The following RFC3 variants were observed in gnomAD, a reference collection of about 807,000 sequenced individuals.
The protein encoded by RFC3 is A1 38 kDa subunit.
A neutral mutation model predicts 45.1 loss-of-function variants in RFC3; 41 were observed. That is an observed-to-expected ratio of 0.91 (90% CI 0.71 to 1.18). The LOEUF (loss-of-function observed/expected upper bound fraction) is 1.18. Among genes scored for constraint, RFC3 ranks in the 50% most tolerant of loss-of-function variants. The pLI is 0.00. For missense variants in RFC3, 423 were observed against 428.1 expected (o/e 0.99, Z 0.10); for synonymous variants, 149 against 144.0 (o/e 1.03, Z -0.25).
At chr13:33,962,851 T>C (rs1312951512) in intron 8 of RFC3, among the ~76,000 whole-genome samples, 1 of 152,120 alleles carries the variant, frequency 6.6e-6, no homozygotes, top group African/African-American at 2.4e-5. Flanking sequence ...TACTGTTTTT[T>C]AGTTGAGATT....
chr13:33,915,009 C>G (rs1457395583), intron 8 of RFC3, among the ~76,000 whole-genome samples: 1 of 152,116 alleles, frequency 6.6e-6, no homozygotes, highest in African/African-American at 2.4e-5. Flanking sequence ...AAGAATTGTT[C>G]TGTATGTAGT....
At chr13:33,872,900 T>G (rs1173816119) in intron 8 of RFC3, among the ~76,000 whole-genome samples, 1 of 146,224 alleles carries the variant, frequency 6.8e-6, no homozygotes, top group African/African-American at 2.5e-5. Flanking sequence ...GAAAAATAAA[T>G]GAAGAATGTT....
intron 8 of RFC3, among the ~76,000 whole-genome samples, chr13:33,965,524 T>A (rs1302705365): frequency 6.6e-6 from 1 of 152,186 alleles, no homozygotes; most frequent in African/African-American, 2.4e-5. Flanking sequence ...CCCCTTACAG[T>A]GCATTTTTCA....
At chr13:33,872,446 A>G (rs1461654414) in intron 8 of RFC3, among the ~76,000 whole-genome samples, 1 of 152,188 alleles carries the variant, frequency 6.6e-6, no homozygotes, top group Non-Finnish European at 1.5e-5. Context: ...TTTATTAAAA[A>G]TAAACGGCCA....
intron 8 of RFC3, among the ~76,000 whole-genome samples, chr13:33,921,682 C>A (rs1406746379): frequency 6.6e-6 from 1 of 152,066 alleles, no homozygotes; most frequent in Non-Finnish European, 1.5e-5. Context: ...ACACAGCACC[C>A]TCCCAGTGCA....
chr13:33,899,204 CAAAAAAAAAAA>C (rs59221382), intron 8 of RFC3, among the ~76,000 whole-genome samples: 3 of 51,968 alleles, frequency 5.8e-5, no homozygotes, highest in Non-Finnish European at 7.2e-5. Context: ...CACAATAAGA[CAAAAAAAAAAA>C]AAAAAAAAAA....
chr13:33,832,057 T>C (rs3135611), intron 7 of RFC3, among the ~76,000 whole-genome samples: 33,385 of 152,144 alleles, frequency 0.22, 5,700 homozygotes, highest in African/African-American at 0.45. Context: ...GTCTATTATT[T>C]GTAGGTTGAC....
At chr13:33,858,702 A>AT (rs113651076) in intron 8 of RFC3, among the ~76,000 whole-genome samples, 1 of 152,108 alleles carries the variant, frequency 6.6e-6, no homozygotes, top group African/African-American at 2.4e-5. Flanking sequence ...GCACTGATTA[A>AT]TTTTTTTTAT....
At chr13:33,829,690 T>A (rs2082083152) in intron 4 of RFC3, 146 bp from the exon 5 acceptor site, 3 of 675,908 alleles carry the variant, frequency 4.4e-6, no homozygotes, top group Non-Finnish European at 7.9e-6. Flanking sequence ...TTTACCATAC[T>A]TATAACTTTA....
At chr13:33,840,213 A>C (rs2082187727), downstream of RFC3, among the ~76,000 whole-genome samples, 1 of 152,134 alleles carries the variant, frequency 6.6e-6, no homozygotes, top group Non-Finnish European at 1.5e-5. Context: ...CCTTCCTCTA[A>C]GACTAATTAC....
intron 8 of RFC3, among the ~76,000 whole-genome samples, chr13:33,898,203 A>G (rs2082614030): frequency 6.6e-6 from 1 of 152,062 alleles, no homozygotes; most frequent in Non-Finnish European, 1.5e-5. Context: ...GCTGCAGAAT[A>G]CACATCTTAT....
At chr13:33,829,212 G>C (rs1019807313) in intron 4 of RFC3, among the ~76,000 whole-genome samples, 3 of 152,122 alleles carry the variant, frequency 2.0e-5, no homozygotes, top group African/African-American at 7.2e-5. Flanking sequence ...CTATGTTAAG[G>C]CTGATCTGTG....
chr13:33,829,629 TCTGAAGAGAAA>T, intron 4 of RFC3, 196 bp from the exon 5 acceptor site: 1 of 577,662 alleles, frequency 1.7e-6, no homozygotes, highest in Admixed American at 3.1e-5. Context: ...ATTTATATGA[TCTGAAGAGAAA>T]CTGGAGTATG....
At chr13:33,863,442 A>G (rs1046898870) in intron 8 of RFC3, among the ~76,000 whole-genome samples, 5 of 152,324 alleles carry the variant, frequency 3.3e-5, no homozygotes, top group African/African-American at 1.2e-4. Context: ...AGAAGGCAAC[A>G]TGGCTTTGCA....
downstream of RFC3, among the ~76,000 whole-genome samples, chr13:33,841,654 A>G (rs1230623948): frequency 2.0e-5 from 3 of 152,216 alleles, no homozygotes; most frequent in African/African-American, 7.2e-5. Context: ...GTCAAAAGTT[A>G]TACAGGGGTT....
At chr13:33,862,715 A>G (rs1348888684) in intron 8 of RFC3, among the ~76,000 whole-genome samples, 1 of 152,194 alleles carries the variant, frequency 6.6e-6, no homozygotes, top group Admixed American at 6.5e-5. Flanking sequence ...TGAAAAGCAT[A>G]TCTTCTATAG....
intron 8 of RFC3, 105 bp downstream of exon 8, chr13:33,835,322 C>T (rs765471506): frequency 2.6e-5 from 20 of 778,030 alleles, no homozygotes; most frequent in Middle Eastern, 2.3e-4. Context: ...TCTTTCTCTC[C>T]AGCGCATTAA....
chr13:33,949,960 G>A (rs1028093605), intron 8 of RFC3, among the ~76,000 whole-genome samples: 3 of 152,100 alleles, frequency 2.0e-5, no homozygotes, highest in Admixed American at 6.5e-5. Flanking sequence ...CCTTGGGATT[G>A]AAACTAAACC....
intron 8 of RFC3, among the ~76,000 whole-genome samples, chr13:33,952,448 A>AG (rs1231726367): frequency 9.3e-4 from 8 of 8,568 alleles, no homozygotes; most frequent in South Asian, 0.1. Flanking sequence ...GAAAAAGTTC[A>AG]ATTTATTAGA....
Sources: gnomAD v4.1 joint callset for allele counts (sites outside exome capture counted in the v4.1 genomes callset) on GRCh38, gnomAD v4.1.1 for gene constraint, MANE v1.5 for transcripts, NCBI Gene and HGNC (gene_info 2026-07-23, HGNC 2026-07-21) for gene names.